Variants in RNF19A observed in about 807,000 individuals in gnomAD.
The protein encoded by RNF19A is ring finger protein 19A, RBR E3 ubiquitin protein ligase.
In RNF19A, 32 loss-of-function variants were observed where a neutral mutation model predicts 75.7. That is an observed-to-expected ratio of 0.42 (90% CI 0.32 to 0.57). The LOEUF (loss-of-function observed/expected upper bound fraction) is 0.57, where lower values mean the gene tolerates loss of function less well. Among genes scored for constraint, RNF19A ranks in the 20% least tolerant of loss-of-function variants. RNF19A has a pLI of 0.10. For synonymous variants in RNF19A, 335 were observed against 345.2 expected (o/e 0.97, Z 0.33); for missense variants, 782 against 1,036.3 (o/e 0.75, Z 3.37).
Position 100,275,158 on chromosome 8 carries a change from A to G in RNF19A, c.678T>C (p.Tyr226=), listed in dbSNP as rs372979190. Reference sequence around the variant, plus strand: ...TGGCACATCCAAATGCTATCACAGCATATCTTGAAAGAACAAGAAAAATGA... The same window carrying G: ...TGGCACATCCAAATGCTATCACAGCGTATCTTGAAAGAACAAGAAAAATGA... ...CRWCPAPDCG[Y]AVIAFGCASC... is the part of the protein sequence containing the mutation. Residue 226 remains tyrosine (Y), a synonymous_variant, in exon 3 of 10, where the codon TAT becomes TAC. Coordinates refer to ENST00000341084, the MANE Select transcript of RNF19A (RefSeq NM_183419.4). The surrounding 1 kb of genome is among the most constrained non-coding windows in gnomAD (Gnocchi z 4.3). 4.3e-6 allele frequency: 7 copies of G among 1,613,472 alleles called. No individual in the cohort carries two copies. In the African/African-American group the frequency reaches 5.3e-5, roughly 12 times the overall value.
chr8:100,291,516 T>C (rs1325694322), intron 1 of RNF19A, among the ~76,000 whole-genome samples: 3 of 152,214 alleles, frequency 2.0e-5, no homozygotes, highest in Admixed American at 6.5e-5. Context: ...TCAAGAATTA[T>C]ACATTTATAA....
At chr8:100,291,094 G>A (rs1342975171) in intron 1 of RNF19A, among the ~76,000 whole-genome samples, 1 of 152,078 alleles carries the variant, frequency 6.6e-6, no homozygotes, top group Non-Finnish European at 1.5e-5. Flanking sequence ...GAGAACTTGG[G>A]AGTCAAAAGA....
At chr8:100,296,868 G>A (rs1244742861) in intron 1 of RNF19A, among the ~76,000 whole-genome samples, 2 of 152,126 alleles carry the variant, frequency 1.3e-5, no homozygotes, top group African/African-American at 4.8e-5. Flanking sequence ...TTAAGTTTTT[G>A]GGAAGGTTAA....
Position 100,287,373 on chromosome 8 carries a change from G to A in RNF19A, c.674+128C>T. On this transcript the variant is annotated intron_variant, in intron 2 of 9. Transcript: ENST00000341084. This position sits in a 1 kb window ranked among gnomAD's most constrained non-coding sequence, Gnocchi z 4.1. ...CACCTAGCATAGTGCCTGACATATG[G>A]TGTGCACTCAACATGTCTGTTGAAT... 1.4e-6 allele frequency: 1 copy of A among 740,236 alleles called. No homozygotes were observed. Among genetic ancestry groups the A allele is most frequent in the Admixed American group, 2.8e-5 (1 of 36,192 alleles). The allele number at this position is 740,236 out of a possible 1,614,324, so 45.9% of individuals were successfully genotyped here. A position where few individuals can be genotyped will look rare whatever the true frequency, so the allele number is the denominator to read the frequency against.
At chr8:100,266,945 T>C (rs567216225) in intron 5 of RNF19A, among the ~76,000 whole-genome samples, 1 of 152,320 alleles carries the variant, frequency 6.6e-6, no homozygotes, top group African/African-American at 2.4e-5. Context: ...GATTATAAAA[T>C]GTATGTTGAA....
intron 1 of RNF19A, among the ~76,000 whole-genome samples, chr8:100,315,954 C>T (rs997361238): frequency 2.0e-5 from 3 of 152,328 alleles, no homozygotes; most frequent in East Asian, 3.9e-4. Flanking sequence ...ATAAGTGTGG[C>T]TGGAATTGGT....
Position 100,271,870 on chromosome 8 carries a change from G to GCT in RNF19A, c.884-1858_884-1857insAG, listed in dbSNP as rs370727679. Among the ~76,000 whole-genome samples the GCT allele has an allele frequency of 2.6e-4, 40 of 152,196 alleles. No homozygotes were observed. In the East Asian group the frequency reaches 7.7e-3, roughly 29 times the overall value. ...AAAAATCCTAAATGAAATTGTTTAT[G>GCT]GTTAGTTGATCCCCCATTCCCCAAG... is the stretch of plus-strand genomic sequence containing the variant. On this transcript the variant is annotated intron_variant, in intron 3 of 9. Transcript: ENST00000341084.
At position 100,275,623 on chromosome 8, in the gene RNF19A, A is replaced by G. The variant is rs2129716832; in HGVS notation, c.675-462T>C. 6.6e-6 allele frequency among the ~76,000 whole-genome samples: 1 copy of G among 152,276 alleles called. No individual in the cohort carries two copies. The highest frequency in any genetic ancestry group is 6.5e-5 in the Admixed American group (1 of 15,290). ...TCAATTTTATAAAAAACCATATTAA[A>G]TTAGTACAGTATTGTATGCACACAA... On this transcript the variant is annotated intron_variant, in intron 2 of 9. Coordinates refer to ENST00000341084, the MANE Select transcript of RNF19A (RefSeq NM_183419.4). This position sits in a 1 kb window ranked among gnomAD's most constrained non-coding sequence, Gnocchi z 4.3.
rs549128615 is a variant in RNF19A at position 100,273,260 on chromosome 8, G to A, written c.883+1693C>T. Among the ~76,000 whole-genome samples, 26 of 152,070 alleles carry A rather than the reference G, an allele frequency of 1.7e-4. No individual in the cohort carries two copies. The South Asian group carries it at 2.1e-3, about 12-fold the overall frequency. ...ATTTATTCCAACAATGTTATTGTTC[G>A]GCTAAAAGCATTTGGTAAGGTTTTC... On this transcript the variant is annotated intron_variant, in intron 3 of 9. Transcript: ENST00000341084.
intron 1 of RNF19A, among the ~76,000 whole-genome samples, chr8:100,304,686 C>T (rs1323992752): frequency 6.6e-6 from 1 of 152,184 alleles, no homozygotes; most frequent in African/African-American, 2.4e-5. Context: ...AACCTAGTCG[C>T]CTCTCCTGAT....
intron 2 of RNF19A, among the ~76,000 whole-genome samples, chr8:100,286,678 T>C (rs1442016554): frequency 2.0e-5 from 3 of 152,230 alleles, no homozygotes; most frequent in Admixed American, 6.5e-5. Context: ...CATCCCAGTC[T>C]TGCCTCTGAG....
chr8:100,262,992 G>C (rs773443343), intron 7 of RNF19A, among the ~76,000 whole-genome samples: 1 of 152,150 alleles, frequency 6.6e-6, no homozygotes, highest in East Asian at 1.9e-4. Context: ...AAGGGAAGAA[G>C]AGATTTTAGA....
chr8:100,335,136 A>G (rs1010335156), intron 1 of RNF19A, among the ~76,000 whole-genome samples: 4 of 152,222 alleles, frequency 2.6e-5, no homozygotes, highest in Admixed American at 1.3e-4. Flanking sequence ...ACTATTATCA[A>G]CCATTATAAA....
At chr8:100,279,599 C>A (rs1056434705) in intron 2 of RNF19A, among the ~76,000 whole-genome samples, 1 of 152,176 alleles carries the variant, frequency 6.6e-6, no homozygotes, top group Non-Finnish European at 1.5e-5. Context: ...GTTGCCCAGG[C>A]TGGAGTGCAG....
chr8:100,327,905 T>C (rs1822556521), intron 1 of RNF19A, among the ~76,000 whole-genome samples: 1 of 152,212 alleles, frequency 6.6e-6, no homozygotes. Context: ...TTTATTACTG[T>C]TGACACAATC....
intron 1 of RNF19A, among the ~76,000 whole-genome samples, chr8:100,292,751 C>A (rs1182328473): frequency 6.6e-6 from 1 of 152,258 alleles, no homozygotes. Context: ...TGCCCCACCC[C>A]CTACATACAT....
chr8:100,270,777 T>G (rs1820219447), intron 3 of RNF19A, among the ~76,000 whole-genome samples: 1 of 152,184 alleles, frequency 6.6e-6, no homozygotes. Flanking sequence ...TTTATCCTTT[T>G]TATTCATTTA....
chr8:100,302,174 TTAAAATC>T (rs376336797), intron 1 of RNF19A, among the ~76,000 whole-genome samples: 40 of 152,342 alleles, frequency 2.6e-4, no homozygotes, highest in Middle Eastern at 3.4e-3. Flanking sequence ...CAGAGATAGT[TTAAAATC>T]TAAGTTTAAA....
intron 3 of RNF19A, among the ~76,000 whole-genome samples, chr8:100,274,605 G>A (rs967018288): frequency 6.6e-6 from 1 of 152,052 alleles, no homozygotes; most frequent in Non-Finnish European, 1.5e-5. Flanking sequence ...GGCCGTTCTC[G>A]AACTCCTGGC....
Sources: gnomAD v4.1 joint callset for allele counts (sites outside exome capture counted in the v4.1 genomes callset) on GRCh38, gnomAD v4.1.1 for gene constraint, Gnocchi (gnomAD v3.1) non-coding constraint, MANE v1.5 for transcripts, NCBI Gene and HGNC (gene_info 2026-07-23, HGNC 2026-07-21) for gene names.